The following NRCAM variants were observed in gnomAD, a reference collection of about 807,000 sequenced individuals.
NRCAM encodes the protein NgCAM-related cell adhesion molecule.
A neutral mutation model predicts 156.5 loss-of-function variants in NRCAM; 83 were observed. The ratio of observed to expected loss-of-function variants is 0.53; its 90% CI spans 0.44 to 0.64. The LOEUF is 0.64. Among genes scored for constraint, NRCAM ranks in the 30% least tolerant of loss-of-function variants. The pLI is 0.00. For synonymous variants in NRCAM, 538 were observed against 563.9 expected (o/e 0.95, Z 0.65); for missense variants, 1,417 against 1,597.3 (o/e 0.89, Z 1.92).
intron 3 of NRCAM, among the ~76,000 whole-genome samples, chr7:108,307,269 G>A (rs2098730542): frequency 6.6e-6 from 1 of 152,174 alleles, no homozygotes; most frequent in Non-Finnish European, 1.5e-5. Context: ...GGCATCCCAG[G>A]AACACATTAA....
chr7:108,187,730 T>C (rs2153411902), intron 20 of NRCAM, among the ~76,000 whole-genome samples: 1 of 151,836 alleles, frequency 6.6e-6, no homozygotes, highest in Non-Finnish European at 1.5e-5. Flanking sequence ...GGCGGGTGGA[T>C]CACGAGGTCG....
Position 108,168,064 on chromosome 7 carries a change from C to T in NRCAM, c.3313+213G>A, listed in dbSNP as rs181183111. On this transcript the variant is annotated intron_variant, in intron 29 of 32. Coordinates refer to ENST00000379028, the MANE Select transcript of NRCAM (RefSeq NM_001037132.4). Reference sequence around the variant, plus strand: ...TAACATACGTAATGGAACATATGCCCTCTGTTATTAATAACATAAAAAAGC... The same window carrying T: ...TAACATACGTAATGGAACATATGCCTTCTGTTATTAATAACATAAAAAAGC... Among the ~76,000 whole-genome samples, 10 of 152,230 alleles carry T rather than the reference C, an allele frequency of 6.6e-5. No individual in the cohort carries two copies. In the East Asian group the frequency reaches 1.9e-3, roughly 29 times the overall value.
At chr7:108,227,929 T>C (rs17388677) in intron 8 of NRCAM, among the ~76,000 whole-genome samples, 8,470 of 152,240 alleles carry the variant, frequency 0.056, 263 homozygotes, top group Middle Eastern at 0.082. Context: ...AGAACATCGG[T>C]TCATCATGTT....
chr7:108,231,227 G>A (rs1414869368), intron 7 of NRCAM, 74 bp from the exon 8 acceptor site: 4 of 1,067,420 alleles, frequency 3.7e-6, no homozygotes, highest in East Asian at 5.8e-5. Context: ...ACAAATAAAG[G>A]CAAACTGAAG....
chr7:108,253,798 A>C (rs1483112165), intron 3 of NRCAM, among the ~76,000 whole-genome samples: 1 of 152,194 alleles, frequency 6.6e-6, no homozygotes, highest in Non-Finnish European at 1.5e-5. Context: ...GTGGTCAGAG[A>C]GGAGACTGAT....
At chr7:108,168,248 A>G in intron 29 of NRCAM, 29 bp downstream of exon 29, 1 of 1,480,854 alleles carries the variant, frequency 6.8e-7, no homozygotes, top group South Asian at 1.5e-5. Context: ...CCCCCAAATT[A>G]AAAATCGGGT....
At chr7:108,385,200 GT>G (rs1363298746) in intron 2 of NRCAM, among the ~76,000 whole-genome samples, 8 of 152,142 alleles carry the variant, frequency 5.3e-5, no homozygotes, top group Admixed American at 6.6e-5. Context: ...CATTGAAAAT[GT>G]ACACATTAGG....
At chr7:108,177,661 G>A (rs1398680407) in intron 26 of NRCAM, among the ~76,000 whole-genome samples, 69 of 13,428 alleles carry the variant, frequency 5.1e-3, no homozygotes, top group African/African-American at 8.0e-3. Flanking sequence ...ATATATATAT[G>A]TATATACGTG....
At chr7:108,197,658 A>G (rs2075863455) in intron 14 of NRCAM, among the ~76,000 whole-genome samples, 1 of 152,230 alleles carries the variant, frequency 6.6e-6, no homozygotes, top group Non-Finnish European at 1.5e-5. Flanking sequence ...AGTTGCTAAT[A>G]GCAGACAAAT....
Position 108,191,861 on chromosome 7 carries a change from T to G in NRCAM, c.1779-8A>C. On this transcript the variant is annotated splice_region_variant and splice_polypyrimidine_tract_variant and intron_variant, in intron 17 of 32. Coordinates refer to ENST00000379028, the MANE Select transcript of NRCAM (RefSeq NM_001037132.4). ...TCCTTGTCAACAGTGAACCTGTGGA[T>G]AGAATGCATTCAGAGCAGCTGAAAT... The G allele has an allele frequency of 1.2e-6, 2 of 1,612,628 alleles. No homozygotes were observed. The highest frequency in any genetic ancestry group is 1.7e-6 in the Non-Finnish European group (2 of 1,179,616).
intron 3 of NRCAM, among the ~76,000 whole-genome samples, chr7:108,310,856 G>C (rs2098793059): frequency 1.3e-5 from 2 of 152,134 alleles, no homozygotes; most frequent in Non-Finnish European, 2.9e-5. Context: ...TTAACAAAAG[G>C]CTAGCCAGAA....
At chr7:108,239,928 G>C (rs960234061) in intron 4 of NRCAM, 31 bp downstream of exon 4, 2 of 1,403,964 alleles carry the variant, frequency 1.4e-6, no homozygotes, top group Admixed American at 3.4e-5. Flanking sequence ...TTGACTCCTG[G>C]GCCTAACAGC....
chr7:108,422,645 T>C (rs992930488), intron 1 of NRCAM, among the ~76,000 whole-genome samples: 1 of 152,106 alleles, frequency 6.6e-6, no homozygotes, highest in South Asian at 2.1e-4. Flanking sequence ...AAAAGGGCAA[T>C]AGGAAGCTGA....
At chr7:108,455,525 C>G (rs1856058555) in intron 1 of NRCAM, among the ~76,000 whole-genome samples, 1 of 152,134 alleles carries the variant, frequency 6.6e-6, no homozygotes. Flanking sequence ...CGCAGGGACT[C>G]CCGGGACCCG....
chr7:108,176,363 C>T (rs771516752), intron 27 of NRCAM, 67 bp downstream of exon 27: 52 of 1,420,816 alleles, frequency 3.7e-5, no homozygotes, highest in Non-Finnish European at 4.7e-5. Context: ...AAGGAAAAAG[C>T]ATAAACTTAA....
At chr7:108,337,604 CA>C (rs1447165141) in intron 2 of NRCAM, among the ~76,000 whole-genome samples, 2 of 152,306 alleles carry the variant, frequency 1.3e-5, no homozygotes, top group East Asian at 3.9e-4. Context: ...CACTGGGTTC[CA>C]CAGTTCTCTT....
intron 2 of NRCAM, among the ~76,000 whole-genome samples, chr7:108,363,468 C>A (rs961652882): frequency 2.0e-5 from 3 of 152,092 alleles, no homozygotes; most frequent in Non-Finnish European, 4.4e-5. Flanking sequence ...CGCCATGTTG[C>A]CCAGGCTGGT....
At chr7:108,200,249 T>C (rs1326335674) in intron 13 of NRCAM, among the ~76,000 whole-genome samples, 1 of 152,172 alleles carries the variant, frequency 6.6e-6, no homozygotes, top group African/African-American at 2.4e-5. Flanking sequence ...TTCTTCCAAA[T>C]CAAAGACAAA....
Position 108,191,800 on chromosome 7 carries a change from C to T in NRCAM, c.1832G>A (p.Ser611Asn), listed in dbSNP as rs1473002062. ...LVVADVSDDD[S>N]GTYTCVANTT... ...GTTGGCCACACACGTGTAGGTCCCG[C>T]TGTCATCGTCACTGACATCAGCTAC... The change falls in exon 18 of 33, where the codon AGC (serine) becomes AAC (asparagine). Residue 611 changes from serine (S) to asparagine (N), a missense_variant. Physicochemically the swap from Ser to Asn is conservative, Grantham distance 46. Coordinates refer to ENST00000379028, the MANE Select transcript of NRCAM (RefSeq NM_001037132.4). 6.2e-7 allele frequency: 1 copy of T among 1,613,710 alleles called. No individual in the cohort carries two copies. The highest frequency in any genetic ancestry group is 8.5e-7 in the Non-Finnish European group (1 of 1,179,908).
Sources: gnomAD v4.1 joint callset for allele counts (sites outside exome capture counted in the v4.1 genomes callset) on GRCh38, gnomAD v4.1.1 for gene constraint, MANE v1.5 for transcripts, NCBI Gene and HGNC (gene_info 2026-07-23, HGNC 2026-07-21) for gene names.